PTH2R: variants seen among roughly 807,000 people sequenced by gnomAD.
PTH2R encodes parathyroid hormone 2 receptor.
In PTH2R, 59 loss-of-function variants were observed where a neutral mutation model predicts 60.3. The ratio of observed to expected loss-of-function variants is 0.98; its 90% CI spans 0.79 to 1.22. The LOEUF (loss-of-function observed/expected upper bound fraction) is 1.22, where lower values mean the gene tolerates loss of function less well. PTH2R is among the 50% of genes most tolerant of loss of function. PTH2R has a pLI of 0.00. For synonymous variants in PTH2R, 256 were observed against 243.8 expected (o/e 1.05, Z -0.47); for missense variants, 749 against 682.6 (o/e 1.10, Z -1.08).
chr2:208,473,020 T>C (rs1198093772), intron 9 of PTH2R, among the ~76,000 whole-genome samples: 1 of 152,190 alleles, frequency 6.6e-6, no homozygotes, highest in Non-Finnish European at 1.5e-5. Context: ...AGTGTTTCCT[T>C]ATGTAGGGGC....
chr2:208,394,956 C>T (rs1291663812), intron 1 of PTH2R, among the ~76,000 whole-genome samples: 2 of 152,122 alleles, frequency 1.3e-5, no homozygotes, highest in African/African-American at 4.8e-5. Flanking sequence ...AATAACGAGA[C>T]TAAAATCTGG....
chr2:208,455,997 G>T (rs1369093649), intron 8 of PTH2R, among the ~76,000 whole-genome samples: 2 of 152,146 alleles, frequency 1.3e-5, no homozygotes, highest in Admixed American at 6.5e-5. Context: ...CCAGTGCTTT[G>T]GGAGGCCAAA....
rs1224881150 is a variant in PTH2R, at chr2:208,443,384, C to T, written c.546C>T (p.His182=). Residue 182 remains histidine (H), a synonymous_variant, in exon 6 of 13, where the codon CAC becomes CAT. Transcript: ENST00000272847. ...GCACTAGGAACTATATCCACATGCA[C>T]TTATTTGTGTCTTTCATGCTGAGAG... ...LHCTRNYIHM[H]LFVSFMLRAT... is the part of the protein sequence containing the mutation. 5.0e-6 allele frequency: 8 copies of T among 1,608,152 alleles called. No individual in the cohort carries two copies. Among genetic ancestry groups the T allele is most frequent in the Non-Finnish European group, 5.9e-6 (7 of 1,177,910 alleles).
At chr2:208,482,862 G>A (rs534285610) in intron 10 of PTH2R, among the ~76,000 whole-genome samples, 6 of 152,202 alleles carry the variant, frequency 3.9e-5, no homozygotes, top group African/African-American at 1.2e-4. Flanking sequence ...CCAGAGCCAC[G>A]AACATCTGCT....
Position 208,443,525 on chromosome 2 carries a change from C to A in PTH2R, c.687C>A (p.Asp229Glu). 1 of 1,605,222 alleles carries A rather than the reference C, an allele frequency of 6.2e-7. No homozygotes were observed. The highest frequency in any genetic ancestry group is 8.5e-7 in the Non-Finnish European group (1 of 1,176,824). The change falls in exon 6 of 13, where the codon GAC becomes GAA. Residue 229 changes from aspartate (D) to glutamate (E), a missense_variant. By Grantham distance (45) the Asp-to-Glu change is conservative. Transcript: ENST00000272847. ...ATTCCATTGAGGCAACTTCTGTGGACAAATCACAATATGTAAGTGTTTTCA... is the reference window on the plus strand; with the variant it reads ...ATTCCATTGAGGCAACTTCTGTGGAAAAATCACAATATGTAAGTGTTTTCA... The part of the protein sequence containing the change: ...PQNSIEATSV[D>E]KSQYIGCKIA...
chr2:208,360,079 A>G (rs1436757374), exon 1 of PTH2R: 1 of 380,406 alleles, frequency 2.6e-6, no homozygotes, highest in Non-Finnish European at 5.2e-6. Flanking sequence ...TAATATTTTT[A>G]AAAACGGAGA....
chr2:208,362,124 T>C (rs148793604), intron 1 of PTH2R, among the ~76,000 whole-genome samples: 1 of 152,332 alleles, frequency 6.6e-6, no homozygotes, highest in African/African-American at 2.4e-5. Context: ...GAGCTTCTGG[T>C]TCTCAGGCCT....
chr2:208,426,575 A>G (rs548614828), intron 1 of PTH2R, among the ~76,000 whole-genome samples: 4 of 152,286 alleles, frequency 2.6e-5, no homozygotes, highest in Admixed American at 2.0e-4. Context: ...CCACATGTCA[A>G]GGGTGGAAGC....
intron 1 of PTH2R, among the ~76,000 whole-genome samples, chr2:208,409,924 G>A (rs1701505622): frequency 6.6e-6 from 1 of 152,132 alleles, no homozygotes; most frequent in Non-Finnish European, 1.5e-5. Flanking sequence ...GGTTTATTAG[G>A]GGAGGAGGTA....
chr2:208,450,853 C>T (rs916092293), intron 8 of PTH2R, 44 bp downstream of exon 8: 1 of 1,587,102 alleles, frequency 6.3e-7, no homozygotes, highest in Non-Finnish European at 8.7e-7. Context: ...CAGATGTTCT[C>T]AAGACTCAGG....
intron 1 of PTH2R, among the ~76,000 whole-genome samples, chr2:208,408,722 AAGAGAGAGAGAGAGAGAAAG>A (rs1320929987): frequency 2.5e-5 from 3 of 121,328 alleles, no homozygotes; most frequent in African/African-American, 7.5e-5. Flanking sequence ...GAAGAAAGGA[AAGAGAGAGAGAGAGAGAAAG>A]AGAGAGAGAG....
At chr2:208,417,572 TGA>T (rs1701666415) in intron 1 of PTH2R, among the ~76,000 whole-genome samples, 4 of 110,652 alleles carry the variant, frequency 3.6e-5, no homozygotes, top group African/African-American at 6.1e-5. Flanking sequence ...TTTTTTTTTG[TGA>T]TGGTGTCTCA....
intron 4 of PTH2R, among the ~76,000 whole-genome samples, chr2:208,441,318 G>A (rs554432701): frequency 3.3e-5 from 5 of 152,258 alleles, no homozygotes; most frequent in African/African-American, 4.8e-5. Flanking sequence ...CTTCTGTTCC[G>A]GTGGAGTTGG....
At chr2:208,388,571 T>G (rs1241152155) in intron 1 of PTH2R, among the ~76,000 whole-genome samples, 1 of 152,228 alleles carries the variant, frequency 6.6e-6, no homozygotes, top group Non-Finnish European at 1.5e-5. Context: ...GGTAAAGAGA[T>G]ATTGTAACCC....
intron 7 of PTH2R, among the ~76,000 whole-genome samples, chr2:208,448,503 G>C (rs1199751693): frequency 5.3e-5 from 8 of 150,940 alleles, no homozygotes; most frequent in African/African-American, 2.0e-4. Flanking sequence ...GCGTGGCAGC[G>C]TGCGCCTGCA....
intron 1 of PTH2R, among the ~76,000 whole-genome samples, chr2:208,423,506 A>G (rs926110112): frequency 6.6e-6 from 1 of 152,058 alleles, no homozygotes; most frequent in African/African-American, 2.4e-5. Flanking sequence ...TTGTTTTATG[A>G]TTCAGGATAT....
At chr2:208,388,273 C>T (rs375882000) in intron 1 of PTH2R, among the ~76,000 whole-genome samples, 2 of 152,034 alleles carry the variant, frequency 1.3e-5, no homozygotes, top group Non-Finnish European at 2.9e-5. Flanking sequence ...GTTGAGATCG[C>T]GCCACTGCAC....
At chr2:208,432,805 C>T (rs752176618) in intron 2 of PTH2R, among the ~76,000 whole-genome samples, 19 of 152,250 alleles carry the variant, frequency 1.2e-4, no homozygotes, top group South Asian at 8.3e-4. Context: ...TGGAAGCATC[C>T]AGCACAGGGG....
At chr2:208,387,810 C>G (rs1257272232) in intron 1 of PTH2R, among the ~76,000 whole-genome samples, 1 of 152,124 alleles carries the variant, frequency 6.6e-6, no homozygotes, top group Non-Finnish European at 1.5e-5. Context: ...TTACAACAAC[C>G]CCTTTTTATA....
Sources: gnomAD v4.1 joint callset for allele counts (sites outside exome capture counted in the v4.1 genomes callset) on GRCh38, gnomAD v4.1.1 for gene constraint, MANE v1.5 for transcripts, NCBI Gene and HGNC (gene_info 2026-07-23, HGNC 2026-07-21) for gene names.